LCA5L: variants seen among roughly 807,000 people sequenced by gnomAD.
LCA5L encodes the protein lebercilin LCA5 like.
In LCA5L, 35 loss-of-function variants were observed where a neutral mutation model predicts 45.4. The ratio of observed to expected loss-of-function variants is 0.77; its 90% CI spans 0.59 to 1.02. LCA5L has a LOEUF of 1.02. LCA5L is among the 50% of genes least tolerant of loss of function. The pLI, the probability that LCA5L is intolerant of heterozygous loss-of-function variation, is 0.00. For synonymous variants in LCA5L, 233 were observed against 264.7 expected, an observed-to-expected ratio of 0.88 and a Z score of 1.16; for missense variants, 668 against 761.6, an observed-to-expected ratio of 0.88 and a Z score of 1.45.
intron 2 of LCA5L, among the ~76,000 whole-genome samples, chr21:39,440,817 T>C (rs546177567): frequency 1.3e-5 from 2 of 152,320 alleles, no homozygotes; most frequent in East Asian, 3.9e-4. Context: ...GGTCTTCCTA[T>C]TGAATGAAAG....
chr21:39,418,528 C>T (rs528554731), intron 7 of LCA5L, among the ~76,000 whole-genome samples: 6 of 151,580 alleles, frequency 4.0e-5, no homozygotes, highest in African/African-American at 1.5e-4. Context: ...TGAGATGGAG[C>T]CTCACTCTGT....
chr21:39,418,064 C>T (rs1003334154), intron 7 of LCA5L, among the ~76,000 whole-genome samples: 6 of 152,174 alleles, frequency 3.9e-5, no homozygotes, highest in African/African-American at 7.2e-5. Flanking sequence ...CCGCGCCCAG[C>T]GGGGGAGTTT....
At chr21:39,438,722 C>T (rs1043495145) in intron 2 of LCA5L, 1 of 152,060 alleles carries the variant, frequency 6.6e-6, no homozygotes, top group East Asian at 1.9e-4. Context: ...TTTTCATCTA[C>T]CAGAATGGCA....
intron 2 of LCA5L, among the ~76,000 whole-genome samples, chr21:39,442,778 C>T (rs1320899029): frequency 6.6e-6 from 1 of 152,118 alleles, no homozygotes; most frequent in East Asian, 1.9e-4. Context: ...TGTCACGCAG[C>T]TAGCTGAACG....
In LCA5L at chr21:39,428,394, C is replaced by T. The variant is rs2075131162; in HGVS notation, c.100G>A (p.Gly34Ser). The change falls in exon 5 of 11, where the codon GGC becomes AGC. Residue 34 changes from glycine to serine, a missense_variant. Physicochemically the swap from Gly to Ser is moderately conservative, Grantham distance 56. Coordinates refer to ENST00000288350, the MANE Select transcript of LCA5L (RefSeq NM_152505.4). ...RRSAACKRSP[G>S]TGDFSRNSNA... is the part of the protein sequence containing the mutation. ...CTGTTCCGTGAAAAATCGCCTGTGC[C>T]TGGGCTTCTCTTGCATGCTGCAGAC... 1 of 1,613,208 alleles carries T rather than the reference C, an allele frequency of 6.2e-7. No homozygotes were observed. Among genetic ancestry groups the T allele is most frequent in the African/African-American group, 1.3e-5 (1 of 74,804 alleles).
At position 39,445,767 on chromosome 21, in the gene LCA5L, C is replaced by G. The variant is rs2077431629; in HGVS notation, c.-355G>C. On this transcript the variant is annotated 5_prime_UTR_variant, in exon 1 of 11. Transcript: ENST00000288350. The stretch of plus-strand genomic sequence containing the variant: ...CACGACTGCGCCAACGCCGCAGCGC[C>G]GGCGCGTCCCCATGGAAACCCGCGC... 2 of 152,186 alleles carry G rather than the reference C, an allele frequency of 1.3e-5. No individual in the cohort carries two copies. The highest frequency in any genetic ancestry group is 4.1e-4 in the South Asian group (2 of 4,834). 9.4% of individuals were successfully genotyped at this position (152,186 alleles called of 1,614,324 possible).
At chr21:39,428,578 T>TATATATATATATATATATATATATA (rs2075179434) in intron 4 of LCA5L, 75 bp from the exon 5 acceptor site, 2 of 58,042 alleles carry the variant, frequency 3.4e-5, no homozygotes, top group Non-Finnish European at 6.2e-5. Context: ...ATGCTTTATT[T>TATATATATATATATATATATATATA]TATATATATA....
rs1448215782 is a variant in LCA5L, at chr21:39,405,840, AG to A, written c.*41del. The A allele has an allele frequency of 7.2e-7, 1 of 1,389,892 alleles. No homozygotes were observed. Among genetic ancestry groups the A allele is most frequent in the Non-Finnish European group, 9.7e-7 (1 of 1,033,562 alleles). 86.1% of individuals were successfully genotyped at this position (1,389,892 alleles called of 1,614,324 possible). A position where few individuals can be genotyped will look rare whatever the true frequency, so the allele number is the denominator to read the frequency against. The stretch of plus-strand genomic sequence containing the variant: ...AAAATAAGATGCAAGGCACATAAGC[AG>A]CATTATATCAAACCAGAATGCATTA... On this transcript the variant is annotated 3_prime_UTR_variant, in exon 11 of 11. Coordinates refer to ENST00000288350, the MANE Select transcript of LCA5L (RefSeq NM_152505.4).
intron 2 of LCA5L, among the ~76,000 whole-genome samples, chr21:39,437,675 C>G (rs1367306525): frequency 6.6e-6 from 1 of 152,160 alleles, no homozygotes; most frequent in Non-Finnish European, 1.5e-5. Flanking sequence ...TAGTCTCAAA[C>G]TCCTTGGCTC....
At chr21:39,413,284 C>T (rs967070059) in intron 7 of LCA5L, among the ~76,000 whole-genome samples, 2 of 152,144 alleles carry the variant, frequency 1.3e-5, no homozygotes, top group Non-Finnish European at 2.9e-5. Flanking sequence ...ATGCCATCTC[C>T]ACTGAGACAG....
At chr21:39,441,866 G>A (rs1601995198) in intron 2 of LCA5L, among the ~76,000 whole-genome samples, 2 of 152,182 alleles carry the variant, frequency 1.3e-5, no homozygotes, top group Admixed American at 6.5e-5. Flanking sequence ...TAAAACACAC[G>A]GCGCTTAGTA....
Position 39,428,259 on chromosome 21 carries a change from C to T in LCA5L, c.235G>A (p.Ala79Thr), listed in dbSNP as rs761301174. 6.2e-7 allele frequency: 1 copy of T among 1,605,720 alleles called. No individual in the cohort carries two copies. Among genetic ancestry groups the T allele is most frequent in the South Asian group, 1.1e-5 (1 of 90,850 alleles). ...EDFLCDCSEK[A>T]INRNYLKQPV... is the part of the protein sequence containing the mutation. ...TGCTTTAAATAATTTCTATTAATAG[C>T]CTTTTCTGAACAATCACAGAGAAAG... The change falls in exon 5 of 11, where the codon GCT becomes ACT. Residue 79 changes from alanine (A) to threonine (T), a missense_variant. Coordinates refer to ENST00000288350, the MANE Select transcript of LCA5L (RefSeq NM_152505.4).
At chr21:39,411,576 G>A (rs971844040) in intron 8 of LCA5L, 142 bp downstream of exon 8, 9 of 465,912 alleles carry the variant, frequency 1.9e-5, no homozygotes, top group Non-Finnish European at 2.7e-5. Flanking sequence ...TCTCAGTCTC[G>A]TTATTCTTCT....
rs190523626 is a variant in LCA5L, at chr21:39,418,500, A to T, written c.975+2206T>A. 8.8e-3 allele frequency among the ~76,000 whole-genome samples: 1,342 copies of T among 151,730 alleles called. 14 individuals carry two copies. Among genetic ancestry groups the T allele is most frequent in the Non-Finnish European group, 0.013 (890 of 67,888 alleles). The stretch of plus-strand genomic sequence containing the variant: ...TGTTAAAAATGGTTATTTTTATTTT[A>T]TTTTTTTTAAATTTTTTTGAGATGG... On this transcript the variant is annotated intron_variant, in intron 7 of 10. Transcript: ENST00000288350.
intron 7 of LCA5L, among the ~76,000 whole-genome samples, chr21:39,419,173 T>C (rs1016673271): frequency 6.6e-6 from 1 of 152,116 alleles, no homozygotes; most frequent in African/African-American, 2.4e-5. Flanking sequence ...ATTCTTCTCC[T>C]GTCTCTGAGT....
At chr21:39,421,533 A>G (rs984237385) in intron 6 of LCA5L, 9 of 152,252 alleles carry the variant, frequency 5.9e-5, no homozygotes, top group African/African-American at 2.2e-4. Flanking sequence ...GAAATGACTG[A>G]TTTAATTCAA....
intron 7 of LCA5L, among the ~76,000 whole-genome samples, chr21:39,417,472 T>C (rs961274854): frequency 5.9e-5 from 9 of 152,254 alleles, no homozygotes; most frequent in African/African-American, 2.2e-4. Context: ...TCTGCTGTTA[T>C]CCTATTACTG....
At chr21:39,441,410 C>G (rs2076845830) in intron 2 of LCA5L, among the ~76,000 whole-genome samples, 1 of 152,092 alleles carries the variant, frequency 6.6e-6, no homozygotes, top group South Asian at 2.1e-4. Context: ...GCTATTAGGC[C>G]TCAAATGTCT....
intron 7 of LCA5L, among the ~76,000 whole-genome samples, chr21:39,417,697 C>T (rs1050175426): frequency 3.3e-5 from 5 of 152,142 alleles, no homozygotes; most frequent in Non-Finnish European, 7.3e-5. Flanking sequence ...AAAAGGACTT[C>T]TTACATGGCA....
Sources: gnomAD v4.1 joint callset for allele counts (sites outside exome capture counted in the v4.1 genomes callset) on GRCh38, gnomAD v4.1.1 for gene constraint, MANE v1.5 for transcripts, NCBI Gene and HGNC (gene_info 2026-07-23, HGNC 2026-07-21) for gene names.